The following MDFIC2 variants were observed in gnomAD, a reference collection of about 807,000 sequenced individuals.
MDFIC2 encodes MyoD family inhibitor domain containing 2.
At chr3:70,203,606 CATTTT>C (rs1490913769) in intron 3 of MDFIC2, among the ~76,000 whole-genome samples, 1 of 151,958 alleles carries the variant, frequency 6.6e-6, no homozygotes, top group Non-Finnish European at 1.5e-5. Flanking sequence ...AAAATTGAAA[CATTTT>C]ATAAGGTGAC....
intron 2 of MDFIC2, among the ~76,000 whole-genome samples, chr3:70,273,107 C>T (rs1701989589): frequency 6.6e-6 from 1 of 152,078 alleles, no homozygotes; most frequent in Non-Finnish European, 1.5e-5. Context: ...GAAAGGCTGC[C>T]GTTACAAGGA....
intron 2 of MDFIC2, among the ~76,000 whole-genome samples, chr3:70,216,592 T>C (rs1369589916): frequency 1.3e-5 from 2 of 152,118 alleles, no homozygotes; most frequent in African/African-American, 2.4e-5. Flanking sequence ...ACTATCTAGA[T>C]AGAGATTTTT....
chr3:70,228,359 A>G (rs1701527785), intron 2 of MDFIC2, among the ~76,000 whole-genome samples: 1 of 152,070 alleles, frequency 6.6e-6, no homozygotes. Context: ...CAAGTAATTC[A>G]TCTTCAGGAT....
At chr3:70,267,835 AAT>A (rs1234972694) in intron 2 of MDFIC2, among the ~76,000 whole-genome samples, 10 of 152,172 alleles carry the variant, frequency 6.6e-5, no homozygotes, top group African/African-American at 2.4e-4. Flanking sequence ...ATGGAAATTT[AAT>A]ATGATTACTA....
chr3:70,255,362 T>C (rs1225879788), intron 2 of MDFIC2, among the ~76,000 whole-genome samples: 1 of 152,198 alleles, frequency 6.6e-6, no homozygotes, highest in Non-Finnish European at 1.5e-5. Flanking sequence ...GGCTTGGCTG[T>C]TCTTGACATT....
chr3:70,209,900 T>C (rs1701326389), intron 2 of MDFIC2, among the ~76,000 whole-genome samples: 1 of 152,074 alleles, frequency 6.6e-6, no homozygotes, highest in African/African-American at 2.4e-5. Flanking sequence ...ATCCTTCTTG[T>C]TCCATTACAG....
At chr3:70,255,138 C>T (rs546174085) in intron 2 of MDFIC2, among the ~76,000 whole-genome samples, 1 of 152,252 alleles carries the variant, frequency 6.6e-6, no homozygotes, top group South Asian at 2.1e-4. Context: ...ATTCTTAAAC[C>T]ATGCTGCTCC....
chr3:70,274,088 T>TGC (rs1559551096), intron 2 of MDFIC2, among the ~76,000 whole-genome samples: 1 of 146,302 alleles, frequency 6.8e-6, no homozygotes, highest in East Asian at 2.0e-4. Flanking sequence ...TGTGTGTGTG[T>TGC]GTGCGCGCGC....
chr3:70,224,820 A>G (rs957686107), intron 2 of MDFIC2, among the ~76,000 whole-genome samples: 1 of 152,050 alleles, frequency 6.6e-6, no homozygotes, highest in African/African-American at 2.4e-5. Flanking sequence ...TAATTTTTGC[A>G]GTTTCCCCCC....
chr3:70,274,917 A>T (rs773630401), intron 2 of MDFIC2, among the ~76,000 whole-genome samples: 1 of 152,200 alleles, frequency 6.6e-6, no homozygotes, highest in Non-Finnish European at 1.5e-5. Flanking sequence ...GATCTTTATT[A>T]GTTTGGCAAA....
chr3:70,263,593 C>A (rs957662285), intron 2 of MDFIC2, among the ~76,000 whole-genome samples: 7 of 152,112 alleles, frequency 4.6e-5, no homozygotes, highest in African/African-American at 1.7e-4. Context: ...TTTGTCATGC[C>A]TAGCCTCATA....
chr3:70,208,287 A>T (rs1176027774), intron 2 of MDFIC2, among the ~76,000 whole-genome samples: 1 of 152,054 alleles, frequency 6.6e-6, no homozygotes, highest in African/African-American at 2.4e-5. Context: ...TGAGTTACTG[A>T]AATTGATAAT....
intron 2 of MDFIC2, chr3:70,272,321 T>C (rs1178455225): frequency 1.3e-5 from 2 of 152,230 alleles, no homozygotes; most frequent in East Asian, 3.9e-4. Context: ...GCAATCACTT[T>C]CTGCTACTAT....
intron 2 of MDFIC2, among the ~76,000 whole-genome samples, chr3:70,215,525 C>T (rs1009329666): frequency 1.3e-5 from 2 of 151,960 alleles, no homozygotes; most frequent in African/African-American, 4.8e-5. Context: ...CAAACTTAGC[C>T]CTCAAAGCCC....
chr3:70,215,254 A>AC (rs1223525396), intron 2 of MDFIC2, among the ~76,000 whole-genome samples: 1 of 152,026 alleles, frequency 6.6e-6, no homozygotes, highest in Non-Finnish European at 1.5e-5. Context: ...GCCCAAGATT[A>AC]CCCCGCTGGT....
At chr3:70,269,585 T>C (rs1701955581) in intron 2 of MDFIC2, among the ~76,000 whole-genome samples, 1 of 152,218 alleles carries the variant, frequency 6.6e-6, no homozygotes, top group Non-Finnish European at 1.5e-5. Context: ...CAATTTTGGT[T>C]CAGGGGCTGC....
At chr3:70,197,292 T>C (rs1701191752) in intron 3 of MDFIC2, 107 bp from the exon 4 acceptor site, 1 of 397,226 alleles carries the variant, frequency 2.5e-6, no homozygotes, top group African/African-American at 2.1e-5. Flanking sequence ...CTCTTAATTA[T>C]TTATCCACAT....
chr3:70,232,549 G>C (rs538635965), intron 2 of MDFIC2, among the ~76,000 whole-genome samples: 1 of 151,948 alleles, frequency 6.6e-6, no homozygotes, highest in African/African-American at 2.4e-5. Flanking sequence ...ACAGGTGCCC[G>C]CCACCACGCC....
chr3:70,234,729 C>A (rs1030533724), intron 2 of MDFIC2, among the ~76,000 whole-genome samples: 1 of 152,072 alleles, frequency 6.6e-6, no homozygotes, highest in African/African-American at 2.4e-5. Flanking sequence ...AATTTGAAAT[C>A]TTTGTGATCT....
Sources: allele counts gnomAD v4.1 joint callset (sites outside exome capture counted in the v4.1 genomes callset), GRCh38; gene constraint gnomAD v4.1.1; transcripts MANE v1.5; gene names NCBI Gene and HGNC (gene_info 2026-07-23, HGNC 2026-07-21).